SLC1A4: variants seen among roughly 807,000 people sequenced by gnomAD.
The protein encoded by SLC1A4 is neutral amino acid transporter A.
A neutral mutation model predicts 37.7 loss-of-function variants in SLC1A4; 19 were observed. The observed-to-expected ratio is 0.50, with a 90% CI of 0.35 to 0.74. The LOEUF (loss-of-function observed/expected upper bound fraction) is 0.74. Ranked by LOEUF, SLC1A4 falls within the 30% of genes least tolerant of loss-of-function variation. SLC1A4 has a pLI of 0.01. For missense variants in SLC1A4, 570 were observed against 712.9 expected (o/e 0.80, Z 2.28); for synonymous variants, 299 against 309.8 (o/e 0.97, Z 0.37).
chr2:65,007,137 A>G (rs11888075), intron 3 of SLC1A4, among the ~76,000 whole-genome samples: 5,590 of 152,300 alleles, frequency 0.037, 337 homozygotes, highest in African/African-American at 0.12. Context: ...GTAGTGCTCA[A>G]TACAGTCAAA....
In SLC1A4 at chr2:65,016,421, C is replaced by T. The variant is rs1285785867; in HGVS notation, c.801-19C>T. On this transcript the variant is annotated intron_variant, in intron 4 of 7. Coordinates refer to ENST00000234256, the MANE Select transcript of SLC1A4 (RefSeq NM_003038.5). ...CAGCTTTATCCCCCACTGATGAGTA[C>T]CCTGTGCTTGTGCCCTAGGTACGTA... The T allele has an allele frequency of 1.9e-6, 3 of 1,594,432 alleles. No homozygotes were observed. Among genetic ancestry groups the T allele is most frequent in the Non-Finnish European group, 2.6e-6 (3 of 1,162,184 alleles).
At chr2:65,016,305 C>T (rs562680058) in intron 4 of SLC1A4, 135 bp from the exon 5 acceptor site, 29 of 706,958 alleles carry the variant, frequency 4.1e-5, no homozygotes, top group South Asian at 3.8e-4. Context: ...CTGACTGTTT[C>T]GGTTCCTCGG....
At chr2:64,992,586 C>G (rs867338840) in intron 1 of SLC1A4, among the ~76,000 whole-genome samples, 1 of 152,130 alleles carries the variant, frequency 6.6e-6, no homozygotes, top group Non-Finnish European at 1.5e-5. Flanking sequence ...AAAACTGAGA[C>G]AGAGATTAAG....
intron 2 of SLC1A4, among the ~76,000 whole-genome samples, chr2:65,002,986 T>G (rs1338019500): frequency 3.3e-5 from 5 of 152,152 alleles, no homozygotes; most frequent in African/African-American, 1.2e-4. Context: ...AAACCTCTCA[T>G]TTTTGTTTTG....
At chr2:65,001,360 C>G in intron 1 of SLC1A4, 88 bp from the exon 2 acceptor site, 1 of 1,181,120 alleles carries the variant, frequency 8.5e-7, no homozygotes, top group East Asian at 2.3e-5. Context: ...TGCAATCACA[C>G]CACTGCACTC....
chr2:65,017,982 A>G (rs1341519177), intron 5 of SLC1A4, 89 bp from the exon 6 acceptor site: 2 of 1,085,416 alleles, frequency 1.8e-6, no homozygotes, highest in East Asian at 4.8e-5. Context: ...GATGGTGCTA[A>G]TTGCTCTGTT....
At chr2:65,020,041 T>C (rs1008252057) in intron 7 of SLC1A4, among the ~76,000 whole-genome samples, 1 of 152,212 alleles carries the variant, frequency 6.6e-6, no homozygotes, top group Non-Finnish European at 1.5e-5. Context: ...GGGAATGGTA[T>C]TGGCTAATCT....
At chr2:64,989,387 C>G (rs1672946464), upstream of SLC1A4, 3 of 353,008 alleles carry the variant, frequency 8.5e-6, no homozygotes, top group Non-Finnish European at 1.0e-5. Context: ...GTTCGCGGCT[C>G]CCGTTTGCAT....
Position 65,018,394 on chromosome 2 carries a change from G to A in SLC1A4, c.1229+129G>A, listed in dbSNP as rs1014733609. Reference sequence around the variant, plus strand: ...GGACAGTGGGGATTCATTACTTGAAGAGCGTGTGTTGACTCTCAAGGGCGT... The same window carrying A: ...GGACAGTGGGGATTCATTACTTGAAAAGCGTGTGTTGACTCTCAAGGGCGT... On this transcript the variant is annotated intron_variant, in intron 6 of 7. Transcript: ENST00000234256. This position sits in a 1 kb window ranked among gnomAD's most constrained non-coding sequence, Gnocchi z 4.3. The A allele has an allele frequency of 2.9e-6, 4 of 1,375,838 alleles. No homozygotes were observed. Among genetic ancestry groups the A allele is most frequent in the Admixed American group, 2.2e-5 (1 of 46,048 alleles). 85.2% of individuals were successfully genotyped at this position (1,375,838 alleles called of 1,614,324 possible).
intron 1 of SLC1A4, among the ~76,000 whole-genome samples, chr2:64,995,235 A>G (rs1331258986): frequency 6.6e-6 from 1 of 152,206 alleles, no homozygotes; most frequent in Non-Finnish European, 1.5e-5. Context: ...GCCCAGCTCT[A>G]TGACGTACTT....
At position 65,010,603 on chromosome 2, in the gene SLC1A4, A is replaced by G. The variant is rs1226774312; in HGVS notation, c.640A>G (p.Ile214Val). Residue 214 changes from isoleucine to valine, a missense_variant, in exon 4 of 8, where the codon ATA becomes GTA. Transcript: ENST00000234256. ...SGNVTHEKIP[I>V]GTEIEGMNIL... ...ATCCTCTCTGATCCTGCAGATCCCC[A>G]TAGGCACTGAGATAGAAGGGATGAA... 6.2e-7 allele frequency: 1 copy of G among 1,608,344 alleles called. No individual in the cohort carries two copies. The highest frequency in any genetic ancestry group is 2.2e-5 in the East Asian group (1 of 44,780).
At chr2:65,010,453 T>A (rs1673872009) in intron 3 of SLC1A4, 144 bp from the exon 4 acceptor site, 1 of 686,878 alleles carries the variant, frequency 1.5e-6, no homozygotes, top group South Asian at 2.5e-5. Flanking sequence ...CCCCTTTATT[T>A]GCAGAATTGC....
intron 3 of SLC1A4, among the ~76,000 whole-genome samples, chr2:65,007,067 T>C (rs1002555524): frequency 2.0e-5 from 3 of 152,208 alleles, no homozygotes; most frequent in African/African-American, 7.2e-5. Flanking sequence ...GAATCATTAA[T>C]TCATTAAACA....
At chr2:65,004,857 T>C (rs1038653585) in intron 3 of SLC1A4, among the ~76,000 whole-genome samples, 6 of 152,188 alleles carry the variant, frequency 3.9e-5, no homozygotes, top group African/African-American at 1.4e-4. Context: ...TAGGCACATT[T>C]TTTGCTATTT....
Position 64,989,707 on chromosome 2 carries a change from C to T in SLC1A4, c.64C>T (p.Pro22Ser). 8.5e-6 allele frequency: 13 copies of T among 1,521,140 alleles called. No individual in the cohort carries two copies. The highest frequency in any genetic ancestry group is 1.2e-5 in the South Asian group (1 of 80,848). The allele number at this position is 1,521,140 out of a possible 1,614,324, so 94.2% of individuals were successfully genotyped here. The change falls in exon 1 of 8, where the codon CCC becomes TCC. Residue 22 changes from proline (P) to serine (S), a missense_variant. Physicochemically the swap from Pro to Ser is moderately conservative, Grantham distance 74. Transcript: ENST00000234256. ...DSAQAGPAAGPGAPGTAAGRA... is the reference protein window; with the variant it reads ...DSAQAGPAAGSGAPGTAAGRA... ...CGCTCAGGCGGGGCCTGCGGCCGGG[C>T]CCGGAGCTCCGGGGACCGCGGCGGG...
chr2:64,990,240 C>T, intron 1 of SLC1A4, 70 bp downstream of exon 1: 4 of 1,348,528 alleles, frequency 3.0e-6, no homozygotes, highest in South Asian at 1.5e-5. Flanking sequence ...AGTTCATACA[C>T]CCATATGCTT....
intron 2 of SLC1A4, among the ~76,000 whole-genome samples, chr2:65,003,716 T>C (rs547076026): frequency 1.1e-4 from 16 of 152,220 alleles, no homozygotes; most frequent in East Asian, 3.8e-4. Flanking sequence ...AAATTCTCCC[T>C]GTTTCCTTGG....
intron 1 of SLC1A4, among the ~76,000 whole-genome samples, chr2:64,997,257 G>A (rs987139751): frequency 1.3e-5 from 2 of 152,162 alleles, no homozygotes; most frequent in African/African-American, 4.8e-5. Context: ...CCCATTGAAT[G>A]TACGTATTTT....
chr2:64,989,667 C>A lies in SLC1A4; in HGVS notation c.24C>A (p.Asn8Lys), dbSNP rs1354835163. Reference protein sequence around the residue: MEKSNETNGYLDSAQAGP... With the variant: MEKSNETKGYLDSAQAGP... ...CCATGGAGAAGAGCAACGAGACCAA[C>A]GGCTACCTTGACAGCGCTCAGGCGG... is the stretch of plus-strand genomic sequence containing the variant. Residue 8 changes from asparagine to lysine, a missense_variant, in exon 1 of 8, where the codon AAC becomes AAA. By Grantham distance (94) the Asn-to-Lys change is moderately conservative. Transcript: ENST00000234256. The A allele has an allele frequency of 3.2e-6, 5 of 1,539,582 alleles. No homozygotes were observed. Among genetic ancestry groups the A allele is most frequent in the Non-Finnish European group, 4.3e-6 (5 of 1,149,860 alleles).
Sources: gnomAD v4.1 joint callset for allele counts (sites outside exome capture counted in the v4.1 genomes callset) on GRCh38, gnomAD v4.1.1 for gene constraint, Gnocchi (gnomAD v3.1) non-coding constraint, MANE v1.5 for transcripts, NCBI Gene and HGNC (gene_info 2026-07-23, HGNC 2026-07-21) for gene names.